The following RALGAPA2 variants were observed in gnomAD, a reference collection of about 807,000 sequenced individuals.
The protein encoded by RALGAPA2 is Ral GTPase activating protein catalytic subunit alpha 2.
RALGAPA2 carries 139 observed loss-of-function variants against 230.4 expected under a neutral mutation model. That is an observed-to-expected ratio of 0.60 (90% confidence interval 0.53 to 0.69). The LOEUF is 0.69. Among genes scored for constraint, RALGAPA2 ranks in the 30% least tolerant of loss-of-function variants. The probability of loss-of-function intolerance (pLI) is 0.00; values close to 1 mark genes in which losing one functional copy is unlikely to be tolerated. For missense variants in RALGAPA2, 2,163 were observed against 2,276.0 expected, an observed-to-expected ratio of 0.95 and a Z score of 1.01; for synonymous variants, 847 against 837.8, an observed-to-expected ratio of 1.01 and a Z score of -0.19.
chr20:20,625,528 T>C (rs907106267), intron 10 of RALGAPA2, among the ~76,000 whole-genome samples: 1 of 152,232 alleles, frequency 6.6e-6, no homozygotes, highest in African/African-American at 2.4e-5. Context: ...TTTCAGATCA[T>C]AGCCTAAGTA....
intron 25 of RALGAPA2, among the ~76,000 whole-genome samples, 163 bp from the exon 26 acceptor site, chr20:20,535,966 G>A (rs1602690297): frequency 6.6e-6 from 1 of 152,182 alleles, no homozygotes; most frequent in African/African-American, 2.4e-5. Flanking sequence ...CACTGGGCTC[G>A]GGGGAGCGGG....
chr20:20,648,617 C>G (rs2067294937), intron 4 of RALGAPA2, among the ~76,000 whole-genome samples: 1 of 151,558 alleles, frequency 6.6e-6, no homozygotes, highest in Non-Finnish European at 1.5e-5. Flanking sequence ...AGGATGTGGT[C>G]AAGACAGAGA....
At chr20:20,442,170 T>C (rs1434997521) in intron 37 of RALGAPA2, among the ~76,000 whole-genome samples, 2 of 152,260 alleles carry the variant, frequency 1.3e-5, no homozygotes, top group Non-Finnish European at 2.9e-5. Flanking sequence ...GTCATTCAGC[T>C]TCTCTCTGTG....
At chr20:20,525,236 T>C (rs2063164607) in intron 28 of RALGAPA2, among the ~76,000 whole-genome samples, 1 of 152,228 alleles carries the variant, frequency 6.6e-6, no homozygotes, top group Non-Finnish European at 1.5e-5. Flanking sequence ...ATTATGAAAA[T>C]GCTCCCATTT....
intron 23 of RALGAPA2, among the ~76,000 whole-genome samples, chr20:20,565,060 A>T (rs1440412454): frequency 6.6e-6 from 1 of 152,214 alleles, no homozygotes; most frequent in East Asian, 1.9e-4. Flanking sequence ...TTCACAAATA[A>T]GTACTTTATC....
intron 1 of RALGAPA2, 138 bp from the exon 2 acceptor site, chr20:20,680,939 TG>T: frequency 7.2e-7 from 1 of 1,382,448 alleles, no homozygotes. Context: ...ACAGTATTCC[TG>T]TTTGTTTATT....
chr20:20,396,395 G>A (rs554569952), intron 39 of RALGAPA2, among the ~76,000 whole-genome samples: 14 of 152,408 alleles, frequency 9.2e-5, no homozygotes, highest in African/African-American at 1.4e-4. Flanking sequence ...CCCAGCGCCC[G>A]CTGGCTCCCT....
Position 20,652,935 on chromosome 20 carries a change from T to C in RALGAPA2, c.328+595A>G, listed in dbSNP as rs145447186. 3.5e-3 allele frequency among the ~76,000 whole-genome samples: 538 copies of C among 152,198 alleles called. 4 individuals are homozygous for C. Among genetic ancestry groups the C allele is most frequent in the African/African-American group, 0.012 (498 of 41,528 alleles). ...GGCTGGGCACGGTGGCTTACACCTA[T>C]AATCCCAGCACTTTGGGAAGCCAAG... is the stretch of plus-strand genomic sequence containing the variant. On this transcript the variant is annotated intron_variant, in intron 4 of 39. Coordinates refer to ENST00000202677, the MANE Select transcript of RALGAPA2 (RefSeq NM_020343.4).
At chr20:20,449,215 A>T (rs1028808236) in intron 37 of RALGAPA2, among the ~76,000 whole-genome samples, 4 of 152,212 alleles carry the variant, frequency 2.6e-5, no homozygotes, top group Non-Finnish European at 5.9e-5. Context: ...GCTGGATTAT[A>T]GGGCAACAAG....
chr20:20,432,218 G>T (rs2060516957), intron 37 of RALGAPA2, among the ~76,000 whole-genome samples: 1 of 152,128 alleles, frequency 6.6e-6, no homozygotes, highest in African/African-American at 2.4e-5. Context: ...AAACACGTAG[G>T]TACATTTTCT....
In RALGAPA2 at chr20:20,392,023, G is replaced by A. The variant is rs1373046448; in HGVS notation, c.*1266C>T. Reference sequence around the variant, plus strand: ...GGGTGGAGCAAACCTCTAGCTCTGAGGCAGGTCAAGGGTCCAGGACACAGC... The same window carrying A: ...GGGTGGAGCAAACCTCTAGCTCTGAAGCAGGTCAAGGGTCCAGGACACAGC... On this transcript the variant is annotated 3_prime_UTR_variant, in exon 40 of 40. Transcript: ENST00000202677. 2 of 152,296 alleles carry A rather than the reference G, an allele frequency of 1.3e-5. No individual in the cohort carries two copies. The highest frequency in any genetic ancestry group is 4.8e-5 in the African/African-American group (2 of 41,458). 9.4% of individuals were successfully genotyped at this position (152,296 alleles called of 1,614,324 possible). A position where few individuals can be genotyped will look rare whatever the true frequency, so the allele number is the denominator to read the frequency against.
intron 3 of RALGAPA2, among the ~76,000 whole-genome samples, chr20:20,663,851 CA>C (rs1490851581): frequency 6.6e-6 from 1 of 152,206 alleles, no homozygotes; most frequent in Non-Finnish European, 1.5e-5. Flanking sequence ...CTCAGCCTCC[CA>C]AAGTGCTGGG....
At chr20:20,657,261 A>G (rs1317513514) in intron 3 of RALGAPA2, among the ~76,000 whole-genome samples, 1 of 152,178 alleles carries the variant, frequency 6.6e-6, no homozygotes. Flanking sequence ...AGCAAAGATG[A>G]GAGGAGTCCA....
chr20:20,500,042 T>C (rs1459804893), intron 35 of RALGAPA2, among the ~76,000 whole-genome samples: 1 of 152,264 alleles, frequency 6.6e-6, no homozygotes, highest in Non-Finnish European at 1.5e-5. Context: ...TCTTACCATA[T>C]GTATATTAAT....
At chr20:20,578,446 A>T (rs1167379322) in intron 20 of RALGAPA2, among the ~76,000 whole-genome samples, 1 of 152,098 alleles carries the variant, frequency 6.6e-6, no homozygotes, top group Non-Finnish European at 1.5e-5. Flanking sequence ...GGTGTTTAAA[A>T]TTTTTTTATT....
At chr20:20,687,883 C>G (rs2068762250) in intron 1 of RALGAPA2, among the ~76,000 whole-genome samples, 1 of 152,118 alleles carries the variant, frequency 6.6e-6, no homozygotes, top group Non-Finnish European at 1.5e-5. Context: ...CAGAGGCTTG[C>G]CCACTGACAC....
At chr20:20,401,028 G>GGCGGGGAGAAGTGGGATTGCCTATCA (rs1488291962) in intron 38 of RALGAPA2, among the ~76,000 whole-genome samples, 3 of 152,186 alleles carry the variant, frequency 2.0e-5, no homozygotes, top group Non-Finnish European at 4.4e-5. Flanking sequence ...TTGAGGAGTG[G>GGCGGGGAGAAGTGGGATTGCCTATCA]GCGGGGAGAA....
intron 3 of RALGAPA2, among the ~76,000 whole-genome samples, chr20:20,674,605 T>C (rs1375518511): frequency 6.6e-6 from 1 of 152,162 alleles, no homozygotes; most frequent in Non-Finnish European, 1.5e-5. Flanking sequence ...AAAAAACCTG[T>C]AGACAAAATG....
Position 20,601,738 on chromosome 20 carries a change from G to T in RALGAPA2, c.2147C>A (p.Thr716Lys). 6.2e-7 allele frequency: 1 copy of T among 1,613,782 alleles called. No individual in the cohort carries two copies. Among genetic ancestry groups the T allele is most frequent in the Non-Finnish European group, 8.5e-7 (1 of 1,179,746 alleles). Reference protein sequence around the residue: ...TEPMRFRSATTSGAPGVEKAR... With the variant: ...TEPMRFRSATKSGAPGVEKAR... The stretch of plus-strand genomic sequence containing the variant: ...CTTTTCCACTCCCGGTGCTCCAGAC[G>T]TGGTGGCACTCCTAAATCGCATCGG... The change falls in exon 16 of 40, where the codon ACG becomes AAG. Residue 716 changes from threonine to lysine, a missense_variant. Physicochemically the swap from Thr to Lys is moderately conservative, Grantham distance 78 (BLOSUM62 -1). Transcript: ENST00000202677.
Sources: allele counts gnomAD v4.1 joint callset (sites outside exome capture counted in the v4.1 genomes callset), GRCh38; gene constraint gnomAD v4.1.1; transcripts MANE v1.5; gene names NCBI Gene and HGNC (gene_info 2026-07-23, HGNC 2026-07-21).